Variants in CDH4 observed in about 807,000 individuals in gnomAD.
CDH4 encodes cadherin-4.
Under a neutral mutation model 86.0 loss-of-function variants are expected in CDH4, and 33 were observed. The ratio of observed to expected loss-of-function variants is 0.38; its 90% CI spans 0.29 to 0.51. CDH4 has a LOEUF of 0.51. Among genes scored for constraint, CDH4 ranks in the 20% least tolerant of loss-of-function variants. The pLI is 0.86. For missense variants in CDH4, 1,114 were observed against 1,307.4 expected (o/e 0.85, Z 2.28); for synonymous variants, 555 against 549.4 (o/e 1.01, Z -0.14).
At chr20:61,655,421 C>T (rs1051762641) in intron 2 of CDH4, among the ~76,000 whole-genome samples, 1 of 152,190 alleles carries the variant, frequency 6.6e-6, no homozygotes, top group Non-Finnish European at 1.5e-5. Flanking sequence ...TTCAGCCTTG[C>T]GGAGAGTGAC....
chr20:61,748,336 T>C (rs1188741404), intron 3 of CDH4, among the ~76,000 whole-genome samples: 2 of 152,200 alleles, frequency 1.3e-5, no homozygotes, highest in Admixed American at 1.3e-4. Flanking sequence ...TTTCACCGTG[T>C]TGGCCAGGCT....
chr20:61,875,690 C>T (rs796597034), intron 7 of CDH4, among the ~76,000 whole-genome samples: 9 of 152,298 alleles, frequency 5.9e-5, no homozygotes, highest in African/African-American at 1.9e-4. Flanking sequence ...GAGGCCCCAC[C>T]GCCCTCCAGT....
intron 2 of CDH4, among the ~76,000 whole-genome samples, chr20:61,260,326 A>G (rs1413743209): frequency 6.6e-6 from 1 of 152,224 alleles, no homozygotes; most frequent in Non-Finnish European, 1.5e-5. Flanking sequence ...GAATAAATGA[A>G]CAGTCACTAC....
At chr20:61,285,130 C>T (rs748997767) in intron 2 of CDH4, among the ~76,000 whole-genome samples, 2 of 152,100 alleles carry the variant, frequency 1.3e-5, no homozygotes, top group African/African-American at 4.8e-5. Context: ...AGGAAAACGG[C>T]CCCTGGCCGA....
intron 2 of CDH4, among the ~76,000 whole-genome samples, chr20:61,706,037 C>T (rs1161074903): frequency 6.6e-6 from 1 of 152,196 alleles, no homozygotes; most frequent in Non-Finnish European, 1.5e-5. Flanking sequence ...AAGCCCTGTT[C>T]TTCCCTTCCA....
chr20:61,359,429 C>T (rs769772284), intron 2 of CDH4, among the ~76,000 whole-genome samples: 1 of 152,188 alleles, frequency 6.6e-6, no homozygotes, highest in African/African-American at 2.4e-5. Flanking sequence ...CTGGGAGCAC[C>T]GCTGTGAAGC....
intron 2 of CDH4, among the ~76,000 whole-genome samples, chr20:61,602,659 C>T (rs934162074): frequency 1.4e-5 from 2 of 140,214 alleles, no homozygotes; most frequent in African/African-American, 2.7e-5. Context: ...TTCTCTGCGT[C>T]GCTTTCTGAT....
chr20:61,666,007 C>A (rs994647855), intron 2 of CDH4, among the ~76,000 whole-genome samples: 3 of 152,184 alleles, frequency 2.0e-5, no homozygotes, highest in Admixed American at 2.0e-4. Flanking sequence ...GCTGGGGACT[C>A]CAAACGCTGA....
intron 6 of CDH4, among the ~76,000 whole-genome samples, chr20:61,858,313 G>C (rs371788662): frequency 9.8e-5 from 6 of 61,110 alleles, no homozygotes; most frequent in African/African-American, 1.3e-4. Context: ...GTGTCTGTAT[G>C]TGTGTCTGTG....
At chr20:61,880,130 C>A (rs1458981386) in intron 7 of CDH4, among the ~76,000 whole-genome samples, 1 of 152,208 alleles carries the variant, frequency 6.6e-6, no homozygotes. Flanking sequence ...TTAATGTATT[C>A]ACATGATTCA....
chr20:61,706,342 C>A (rs2087829508), intron 2 of CDH4, among the ~76,000 whole-genome samples: 1 of 152,086 alleles, frequency 6.6e-6, no homozygotes, highest in Non-Finnish European at 1.5e-5. Context: ...GGATACCCCA[C>A]CCAGGACTCC....
chr20:61,552,146 A>G lies in CDH4; in HGVS notation c.170-191417A>G, dbSNP rs916702532. Among the ~76,000 whole-genome samples the G allele has an allele frequency of 2.6e-5, 4 of 152,262 alleles. No individual in the cohort carries two copies. The East Asian group carries it at 7.7e-4, about 29-fold the overall frequency. On this transcript the variant is annotated intron_variant, in intron 2 of 15. Transcript: ENST00000614565. Reference sequence around the variant, plus strand: ...ATAAACAGTGGACTTCCTCACAATTAAAAATGTCTGTGTTTTAAAGGATAC... The same window carrying G: ...ATAAACAGTGGACTTCCTCACAATTGAAAATGTCTGTGTTTTAAAGGATAC...
intron 2 of CDH4, among the ~76,000 whole-genome samples, chr20:61,532,325 T>G (rs1233844271): frequency 6.6e-6 from 1 of 152,216 alleles, no homozygotes; most frequent in African/African-American, 2.4e-5. Context: ...TTCTATGGTC[T>G]TCACACATGA....
At chr20:61,656,315 A>C (rs1481996966) in intron 2 of CDH4, among the ~76,000 whole-genome samples, 1 of 52,230 alleles carries the variant, frequency 1.9e-5, no homozygotes, top group Non-Finnish European at 3.5e-5. Context: ...GCACGTGCTG[A>C]AGTGGGCAGG....
At chr20:61,798,345 A>C (rs1979655716) in intron 4 of CDH4, among the ~76,000 whole-genome samples, 1 of 152,202 alleles carries the variant, frequency 6.6e-6, no homozygotes, top group South Asian at 2.1e-4. Context: ...CCCTGGCCCC[A>C]CGGGCCTCCA....
chr20:61,692,847 T>G (rs1386278039), intron 2 of CDH4, among the ~76,000 whole-genome samples: 7 of 152,050 alleles, frequency 4.6e-5, no homozygotes, highest in Admixed American at 1.3e-4. Context: ...TTTTGTTTTT[T>G]TTTTTGCAAA....
At chr20:61,930,967 ACT>A (rs72195967) in intron 13 of CDH4, among the ~76,000 whole-genome samples, 4,924 of 151,898 alleles carry the variant, frequency 0.032, 261 homozygotes, top group African/African-American at 0.11. Flanking sequence ...GACCTGGGCC[ACT>A]CTCGAGGGCA....
At chr20:61,886,795 G>C (rs1317209696) in intron 7 of CDH4, among the ~76,000 whole-genome samples, 1 of 152,198 alleles carries the variant, frequency 6.6e-6, no homozygotes, top group Non-Finnish European at 1.5e-5. Flanking sequence ...CCGTGCCCCT[G>C]TGCCACACGG....
chr20:61,282,527 C>G (rs1233291629), intron 2 of CDH4, among the ~76,000 whole-genome samples: 1 of 141,270 alleles, frequency 7.1e-6, no homozygotes, highest in African/African-American at 2.7e-5. Context: ...CACTTTTAAT[C>G]TTTGGCATGG....
Sources: allele counts gnomAD v4.1 joint callset (sites outside exome capture counted in the v4.1 genomes callset), GRCh38; gene constraint gnomAD v4.1.1; transcripts MANE v1.5; gene names NCBI Gene and HGNC (gene_info 2026-07-23, HGNC 2026-07-21).